The following EXOC4 variants were observed in gnomAD, a reference collection of about 807,000 sequenced individuals.
The protein encoded by EXOC4 is SEC8-like 1.
A neutral mutation model predicts 107.2 loss-of-function variants in EXOC4; 71 were observed. The observed-to-expected ratio is 0.66, with a 90% CI of 0.55 to 0.81. The LOEUF is 0.81. EXOC4 is among the 30% of genes least tolerant of loss of function. The pLI is 0.00. For missense variants in EXOC4, 1,108 were observed against 1,189.6 expected (o/e 0.93, Z 1.01); for synonymous variants, 456 against 441.2 (o/e 1.03, Z -0.42).
chr7:133,592,652 G>C (rs188821137), intron 9 of EXOC4, among the ~76,000 whole-genome samples: 1 of 152,210 alleles, frequency 6.6e-6, no homozygotes, highest in Non-Finnish European at 1.5e-5. Context: ...CGCTAGGCTG[G>C]AGTGTAGTGG....
chr7:133,538,232 T>A (rs1800311191), intron 9 of EXOC4, among the ~76,000 whole-genome samples: 1 of 152,184 alleles, frequency 6.6e-6, no homozygotes, highest in South Asian at 2.1e-4. Context: ...GACTGAATTA[T>A]CAAAATTCTT....
At chr7:133,740,640 C>T (rs569726613) in intron 10 of EXOC4, among the ~76,000 whole-genome samples, 101 of 152,302 alleles carry the variant, frequency 6.6e-4, no homozygotes, top group African/African-American at 2.4e-3. Context: ...TGCTTTTCCT[C>T]ATGACAATTA....
chr7:133,349,154 G>C (rs186313603), intron 5 of EXOC4, among the ~76,000 whole-genome samples: 7 of 150,918 alleles, frequency 4.6e-5, no homozygotes, highest in Admixed American at 4.6e-4. Context: ...TTGTGGTAAC[G>C]TCACATACCA....
chr7:133,581,599 A>T (rs960687374), intron 9 of EXOC4, among the ~76,000 whole-genome samples: 1 of 151,638 alleles, frequency 6.6e-6, no homozygotes, highest in Non-Finnish European at 1.5e-5. Flanking sequence ...TCTACTAAAA[A>T]TACAAAAAAT....
chr7:133,325,587 G>GT (rs1462546297), intron 5 of EXOC4, among the ~76,000 whole-genome samples: 2 of 152,220 alleles, frequency 1.3e-5, no homozygotes, highest in African/African-American at 4.8e-5. Context: ...TCCGCTGTTA[G>GT]TCTGATGGGC....
chr7:133,906,173 T>G (rs1401464851), intron 12 of EXOC4, among the ~76,000 whole-genome samples: 1 of 152,200 alleles, frequency 6.6e-6, no homozygotes, highest in Non-Finnish European at 1.5e-5. Flanking sequence ...TAGCACAGAC[T>G]AGACACTAGG....
At chr7:133,306,289 A>T (rs1038420274) in intron 4 of EXOC4, among the ~76,000 whole-genome samples, 1 of 152,190 alleles carries the variant, frequency 6.6e-6, no homozygotes, top group Non-Finnish European at 1.5e-5. Context: ...TTCTGTAAGG[A>T]TATATAAGAA....
At chr7:133,647,187 C>T (rs1337935964) in intron 10 of EXOC4, among the ~76,000 whole-genome samples, 1 of 152,114 alleles carries the variant, frequency 6.6e-6, no homozygotes, top group Non-Finnish European at 1.5e-5. Context: ...CTTGAATCCT[C>T]TTATTTTGGA....
chr7:133,633,046 T>TACTAG (rs1802627143), intron 10 of EXOC4, among the ~76,000 whole-genome samples: 2 of 152,290 alleles, frequency 1.3e-5, no homozygotes, highest in African/African-American at 4.8e-5. Flanking sequence ...CAATGCTTGT[T>TACTAG]ACTAGACTCT....
intron 10 of EXOC4, among the ~76,000 whole-genome samples, chr7:133,723,551 C>T (rs1172413338): frequency 1.3e-5 from 2 of 151,876 alleles, no homozygotes; most frequent in Non-Finnish European, 2.9e-5. Context: ...AGTGCAATGG[C>T]GTGATCTTGG....
chr7:133,587,069 A>AGTG (rs1369919134), intron 9 of EXOC4, among the ~76,000 whole-genome samples: 1 of 152,080 alleles, frequency 6.6e-6, no homozygotes, highest in Non-Finnish European at 1.5e-5. Flanking sequence ...CCTGACCTCG[A>AGTG]GTGGTCCACC....
At chr7:133,536,594 T>G (rs1187936994) in intron 9 of EXOC4, among the ~76,000 whole-genome samples, 1 of 151,714 alleles carries the variant, frequency 6.6e-6, no homozygotes, top group Non-Finnish European at 1.5e-5. Flanking sequence ...CCTCCTTATC[T>G]AGTTGACAGG....
At chr7:133,661,940 G>A (rs1438436007) in intron 10 of EXOC4, among the ~76,000 whole-genome samples, 3 of 152,034 alleles carry the variant, frequency 2.0e-5, no homozygotes, top group Admixed American at 6.5e-5. Flanking sequence ...GTATTTGGGA[G>A]CCATAATAAT....
intron 11 of EXOC4, among the ~76,000 whole-genome samples, chr7:133,835,704 T>A (rs976424430): frequency 6.6e-6 from 1 of 152,242 alleles, no homozygotes; most frequent in Non-Finnish European, 1.5e-5. Context: ...AGTATATTTT[T>A]AAAAATCATG....
chr7:133,901,659 A>G (rs1025358008), intron 12 of EXOC4, among the ~76,000 whole-genome samples: 3 of 152,070 alleles, frequency 2.0e-5, no homozygotes, highest in African/African-American at 7.2e-5. Context: ...CCCAAAAATG[A>G]TTTGCTGCTA....
At chr7:133,636,339 T>C (rs555607836) in intron 10 of EXOC4, among the ~76,000 whole-genome samples, 57 of 152,316 alleles carry the variant, frequency 3.7e-4, no homozygotes, top group African/African-American at 1.3e-3. Flanking sequence ...GCTTTCTACC[T>C]GTTAAGTTTT....
intron 10 of EXOC4, among the ~76,000 whole-genome samples, chr7:133,676,828 A>T (rs560689534): frequency 6.6e-6 from 1 of 152,014 alleles, no homozygotes; most frequent in African/African-American, 2.4e-5. Flanking sequence ...AAGATCTCTT[A>T]TTTACAGTAG....
At chr7:133,532,812 G>A (rs1196715724) in intron 9 of EXOC4, among the ~76,000 whole-genome samples, 2 of 151,970 alleles carry the variant, frequency 1.3e-5, no homozygotes, top group African/African-American at 4.8e-5. Context: ...CTTTTGAGGA[G>A]GAATTCTAAT....
intron 9 of EXOC4, among the ~76,000 whole-genome samples, chr7:133,536,441 A>G (rs1453330501): frequency 6.6e-6 from 1 of 152,150 alleles, no homozygotes; most frequent in Admixed American, 6.6e-5. Context: ...TCATACAAAT[A>G]GTATGTTTCC....
Sources: allele counts gnomAD v4.1 joint callset (sites outside exome capture counted in the v4.1 genomes callset), GRCh38; gene constraint gnomAD v4.1.1; transcripts MANE v1.5; gene names NCBI Gene and HGNC (gene_info 2026-07-23, HGNC 2026-07-21).